The following KCNH7 variants were observed in gnomAD, a reference collection of about 807,000 sequenced individuals.
KCNH7 encodes the protein voltage-gated inwardly rectifying potassium channel KCNH7.
In KCNH7, 49 loss-of-function variants were observed where a neutral mutation model predicts 120.8. That is an observed-to-expected ratio of 0.41 (90% CI 0.32 to 0.51). The LOEUF is 0.51. Ranked by LOEUF, KCNH7 falls within the 20% of genes least tolerant of loss-of-function variation. The pLI is 0.38. For synonymous variants in KCNH7, 547 were observed against 516.1 expected, an observed-to-expected ratio of 1.06 and a Z score of -0.81; for missense variants, 1,097 against 1,446.6, an observed-to-expected ratio of 0.76 and a Z score of 3.92.
chr2:162,696,557 A>G (rs1686296895), intron 2 of KCNH7, among the ~76,000 whole-genome samples: 1 of 152,212 alleles, frequency 6.6e-6, no homozygotes, highest in Non-Finnish European at 1.5e-5. Flanking sequence ...TGTCTATTGA[A>G]GAAGTCTAGA....
intron 2 of KCNH7, among the ~76,000 whole-genome samples, chr2:162,645,584 A>C (rs1020482857): frequency 2.0e-5 from 3 of 152,208 alleles, no homozygotes; most frequent in African/African-American, 7.2e-5. Context: ...AAATTAAAGA[A>C]GACATTGCTC....
At chr2:162,725,993 C>T (rs954980070) in intron 2 of KCNH7, among the ~76,000 whole-genome samples, 1 of 152,114 alleles carries the variant, frequency 6.6e-6, no homozygotes, top group African/African-American at 2.4e-5. Flanking sequence ...TATTATCATG[C>T]TTTTAAATAT....
At chr2:162,440,144 T>G (rs1467965439) in intron 7 of KCNH7, among the ~76,000 whole-genome samples, 1 of 151,784 alleles carries the variant, frequency 6.6e-6, no homozygotes, top group Non-Finnish European at 1.5e-5. Context: ...TATTTTTTAG[T>G]AAACATTTTT....
intron 6 of KCNH7, among the ~76,000 whole-genome samples, chr2:162,503,425 C>T (rs1483326091): frequency 6.6e-6 from 1 of 151,946 alleles, no homozygotes; most frequent in Non-Finnish European, 1.5e-5. Flanking sequence ...CTCTTCACTA[C>T]ATAAATATTA....
chr2:162,391,305 C>T (rs922073498), intron 12 of KCNH7, among the ~76,000 whole-genome samples: 4 of 152,042 alleles, frequency 2.6e-5, no homozygotes, highest in African/African-American at 9.7e-5. Context: ...GTATTTTTCT[C>T]CTATATATTG....
intron 9 of KCNH7, among the ~76,000 whole-genome samples, chr2:162,414,297 G>A (rs1006637411): frequency 2.6e-5 from 4 of 151,858 alleles, no homozygotes; most frequent in Admixed American, 6.6e-5. Context: ...ATAAGTAAGG[G>A]AAAATATGTA....
rs1185931695 is a variant in KCNH7 at position 162,371,999 on chromosome 2, T to G, written c.3421A>C (p.Thr1141Pro). ...HLNTASEDNL[T>P]SLLKQDSDLS... ...TCACTGTCTTGTTTTAAAAGTGAAG[T>G]CAAGTTGTCTTCTGAAGCTGTGTTC... The change falls in exon 16 of 16, where the codon ACT becomes CCT. Residue 1141 changes from threonine to proline, a missense_variant. Coordinates refer to ENST00000332142, the MANE Select transcript of KCNH7 (RefSeq NM_033272.4). 2 of 1,613,760 alleles carry G rather than the reference T, an allele frequency of 1.2e-6. No individual in the cohort carries two copies. Among genetic ancestry groups the G allele is most frequent in the South Asian group, 1.1e-5 (1 of 91,072 alleles).
In KCNH7 at chr2:162,557,843, G is replaced by C. The variant is rs186719268; in HGVS notation, c.308-20763C>G. Among the ~76,000 whole-genome samples, 489 of 151,948 alleles carry C rather than the reference G, an allele frequency of 3.2e-3. 6 individuals carry two copies. Among genetic ancestry groups the C allele is most frequent in the African/African-American group, 0.011 (471 of 41,426 alleles). The stretch of plus-strand genomic sequence containing the variant: ...TGATAGTTGCTGATTAAAGAACAGA[G>C]GTATGCAGAATAAAGATAAAGGTAA... On this transcript the variant is annotated intron_variant, in intron 2 of 15. Transcript: ENST00000332142.
chr2:162,739,876 C>A (rs914809348), intron 2 of KCNH7, among the ~76,000 whole-genome samples: 1 of 150,884 alleles, frequency 6.6e-6, no homozygotes, highest in African/African-American at 2.5e-5. Context: ...GATGGCAGTA[C>A]ATGAATGAGC....
In KCNH7 at chr2:162,548,557, T is replaced by C. The variant is rs949311165; in HGVS notation, c.308-11477A>G. 2.6e-5 allele frequency among the ~76,000 whole-genome samples: 4 copies of C among 151,438 alleles called. No homozygotes were observed. The South Asian group carries it at 8.4e-4, about 32-fold the overall frequency. On this transcript the variant is annotated intron_variant, in intron 2 of 15. Transcript: ENST00000332142. ...TCTACATTGAGACCACAGAGAAGGATGAAGGATGAGGATGATGTGATTTGT... is the reference window on the plus strand; with the variant it reads ...TCTACATTGAGACCACAGAGAAGGACGAAGGATGAGGATGATGTGATTTGT...
rs556301726 is a variant in KCNH7, at chr2:162,641,908, G to A, written c.308-104828C>T. Among the ~76,000 whole-genome samples the A allele has an allele frequency of 3.3e-5, 5 of 152,152 alleles. No individual in the cohort carries two copies. In the South Asian group the frequency reaches 1.0e-3, roughly 32 times the overall value. On this transcript the variant is annotated intron_variant, in intron 2 of 15. Coordinates refer to ENST00000332142, the MANE Select transcript of KCNH7 (RefSeq NM_033272.4). Reference sequence around the variant, plus strand: ...CTTAATTTAAAAATATGAACATAGAGTCTGAGGAATTTAGATATATTTAAT... The same window carrying A: ...CTTAATTTAAAAATATGAACATAGAATCTGAGGAATTTAGATATATTTAAT...
intron 2 of KCNH7, chr2:162,797,287 T>G (rs1684180958): frequency 6.6e-6 from 1 of 152,092 alleles, no homozygotes; most frequent in Admixed American, 6.6e-5. Flanking sequence ...ATTATTGCAT[T>G]GGTAATTCTT....
At chr2:162,374,711 T>C (rs1025325743) in intron 14 of KCNH7, among the ~76,000 whole-genome samples, 1 of 152,078 alleles carries the variant, frequency 6.6e-6, no homozygotes, top group Non-Finnish European at 1.5e-5. Context: ...AGAAAATATC[T>C]TCTTTTTTTT....
chr2:162,823,284 A>G (rs1685177471), intron 2 of KCNH7, among the ~76,000 whole-genome samples: 1 of 152,372 alleles, frequency 6.6e-6, no homozygotes, highest in Non-Finnish European at 1.5e-5. Context: ...TAAGTGCTCA[A>G]TGATACTTAT....
chr2:162,753,860 A>G (rs1359155947), intron 2 of KCNH7, among the ~76,000 whole-genome samples: 1 of 152,092 alleles, frequency 6.6e-6, no homozygotes, highest in Non-Finnish European at 1.5e-5. Flanking sequence ...ATTGATATGT[A>G]GTCAAGTTGT....
intron 2 of KCNH7, among the ~76,000 whole-genome samples, chr2:162,626,406 T>C (rs1380785636): frequency 1.3e-5 from 2 of 152,144 alleles, no homozygotes; most frequent in Non-Finnish European, 2.9e-5. Context: ...AAATGGAAGA[T>C]ACTGCTACTT....
chr2:162,803,666 A>G (rs568165958), intron 2 of KCNH7, among the ~76,000 whole-genome samples: 12 of 151,914 alleles, frequency 7.9e-5, no homozygotes, highest in African/African-American at 2.9e-4. Flanking sequence ...ATTCTAATGA[A>G]AGAATCACCC....
At chr2:162,673,958 AT>A (rs1027597548) in intron 2 of KCNH7, among the ~76,000 whole-genome samples, 1 of 151,972 alleles carries the variant, frequency 6.6e-6, no homozygotes, top group Non-Finnish European at 1.5e-5. Context: ...GTACTTAACA[AT>A]TTTTTAGTGA....
chr2:162,727,195 T>A (rs1375111228), intron 2 of KCNH7, among the ~76,000 whole-genome samples: 3 of 152,194 alleles, frequency 2.0e-5, no homozygotes, highest in Non-Finnish European at 4.4e-5. Flanking sequence ...TGCTCTCTAC[T>A]ATGTATACAT....
Sources: gnomAD v4.1 joint callset for allele counts (sites outside exome capture counted in the v4.1 genomes callset) on GRCh38, gnomAD v4.1.1 for gene constraint, MANE v1.5 for transcripts, NCBI Gene and HGNC (gene_info 2026-07-23, HGNC 2026-07-21) for gene names.